Variants in DDI1 observed in about 807,000 individuals in gnomAD.
DDI1 encodes the protein DDI proteasomal shuttling factor 1, also known as protein DDI1 homolog 1.
DDI1 carries 6 observed loss-of-function variants against 7.2 expected under a neutral mutation model. That is an observed-to-expected ratio of 0.83 (90% CI 0.46 to 1.64). DDI1 has a LOEUF of 1.64. Among genes scored for constraint, DDI1 ranks in the 40% most tolerant of loss-of-function variants. The probability of loss-of-function intolerance (pLI) is 0.01; values close to 1 mark genes in which losing one functional copy is unlikely to be tolerated. For synonymous variants in DDI1, 221 were observed against 201.7 expected (o/e 1.10, Z -0.81); for missense variants, 502 against 516.6 (o/e 0.97, Z 0.27).
In DDI1 at chr11:104,038,157, T is replaced by C; in HGVS notation, c.*144T>C. On this transcript the variant is annotated 3_prime_UTR_variant, in exon 1 of 1. Transcript: ENST00000302259. ...GGGACTACGTTCTCAGATGGGTAAC[T>C]AACGTCAATCCTGATTCCTTGGTCT... The C allele has an allele frequency of 1.3e-6, 1 of 792,734 alleles. No homozygotes were observed. Among genetic ancestry groups the C allele is most frequent in the Middle Eastern group, 2.7e-4 (1 of 3,742 alleles). 49.1% of individuals were successfully genotyped at this position (792,734 alleles called of 1,614,324 possible).
Position 104,037,830 on chromosome 11 carries a change from G to T in DDI1, c.1008G>T (p.Arg336=). 1 of 1,614,152 alleles carries T rather than the reference G, an allele frequency of 6.2e-7. No homozygotes were observed. Among genetic ancestry groups the T allele is most frequent in the Non-Finnish European group, 8.5e-7 (1 of 1,180,026 alleles). The part of the protein sequence containing the change: ...MDMLLGLDML[R]RHQCSIDLKK... ...TGCTTCTAGGCCTAGATATGCTCCG[G>T]AGACATCAATGTTCCATCGATTTGA... Residue 336 remains arginine, a synonymous_variant, in exon 1 of 1, where the codon CGG becomes CGT. Transcript: ENST00000302259.
chr11:104,036,792 T>A lies in DDI1; in HGVS notation c.-31T>A, dbSNP rs777850014. 1 of 1,579,740 alleles carries A rather than the reference T, an allele frequency of 6.3e-7. No individual in the cohort carries two copies. Among genetic ancestry groups the A allele is most frequent in the Non-Finnish European group, 8.7e-7 (1 of 1,155,290 alleles). ...GCCCGCCAGTGAGCCGCCCATGCCC[T>A]CTGCTAGCCCGGCCCGCCCGGGCCC... On this transcript the variant is annotated 5_prime_UTR_variant, in exon 1 of 1. Coordinates refer to ENST00000302259, the MANE Select transcript of DDI1 (RefSeq NM_001001711.3).
At position 104,036,831 on chromosome 11, in the gene DDI1, C is replaced by T. The variant is rs940567761; in HGVS notation, c.9C>T (p.Ile3=). 6.2e-7 allele frequency: 1 copy of T among 1,613,170 alleles called. No individual in the cohort carries two copies. The part of the protein sequence containing the change: ML[I]TVYCVRRDLS... ...CCGCCCGGGCCCCCGCCATGCTGAT[C>T]ACCGTGTACTGCGTGCGGAGGGACC... Residue 3 remains isoleucine (I), a synonymous_variant, in exon 1 of 1, where the codon ATC becomes ATT. Transcript: ENST00000302259.
In DDI1 at chr11:104,037,338, C is replaced by T; in HGVS notation, c.516C>T (p.Leu172=). The T allele has an allele frequency of 3.7e-6, 6 of 1,614,096 alleles. No homozygotes were observed. The highest frequency in any genetic ancestry group is 5.1e-6 in the Non-Finnish European group (6 of 1,179,974). The change falls in exon 1 of 1, where the codon CTC becomes CTT. Residue 172 remains leucine, a synonymous_variant. Transcript: ENST00000302259. ...ERNPPLAEAL[L]SGSLETFSQV... is the part of the protein sequence containing the mutation. ...ACCCTCCCTTGGCGGAAGCCCTGCT[C>T]AGCGGAAGCCTTGAGACCTTTTCTC... is the stretch of plus-strand genomic sequence containing the variant.
rs1168163274 is a variant in DDI1 at position 104,038,746 on chromosome 11, T to C, written c.*733T>C. On this transcript the variant is annotated 3_prime_UTR_variant, in exon 1 of 1. Coordinates refer to ENST00000302259, the MANE Select transcript of DDI1 (RefSeq NM_001001711.3). ...TGGCTATAAAACAAAGGCAATAAAT[T>C]AGATTTTTTAAAAAAGAAATTATGG... 2 of 167,178 alleles carry C rather than the reference T, an allele frequency of 1.2e-5. No individual in the cohort carries two copies. The allele number at this position is 167,178 out of a possible 1,614,324, so 10.4% of individuals were successfully genotyped here.
rs535542747 is a variant in DDI1 at position 104,037,113 on chromosome 11, T to C, written c.291T>C (p.Ser97=). The C allele has an allele frequency of 1.9e-5, 31 of 1,614,128 alleles. No individual in the cohort carries two copies. In the East Asian group the frequency reaches 6.5e-4, roughly 34 times the overall value. The part of the protein sequence containing the change: ...RAPNQPRVDF[S]GIAVPGTSSS... ...CGAACCAGCCTCGTGTAGACTTCAG[T>C]GGCATTGCGGTGCCTGGGACGTCCA... The change falls in exon 1 of 1, where the codon AGT becomes AGC. Residue 97 remains serine, a synonymous_variant. Coordinates refer to ENST00000302259, the MANE Select transcript of DDI1 (RefSeq NM_001001711.3).
rs1860301390 is a variant in DDI1 at position 104,038,902 on chromosome 11, A to G, written c.*889A>G. On this transcript the variant is annotated 3_prime_UTR_variant, in exon 1 of 1. Transcript: ENST00000302259. ...TTCAAAGTAAAAATCTGCTTTATAC[A>G]TTAAGCTGCTGCTACATCAGTATTG... 6.0e-6 allele frequency: 1 copy of G among 167,066 alleles called. No homozygotes were observed. The highest frequency in any genetic ancestry group is 1.5e-5 in the Non-Finnish European group (1 of 68,112). 10.3% of individuals were successfully genotyped at this position (167,066 alleles called of 1,614,324 possible). A position where few individuals can be genotyped will look rare whatever the true frequency, so the allele number is the denominator to read the frequency against.
Position 104,036,739 on chromosome 11 carries a change from G to A in DDI1, c.-84G>A. ...CCTACCTACCAAGTCCTGAGGAGCA[G>A]CGGCACCAACGACGCAGGCCCGCCC... On this transcript the variant is annotated 5_prime_UTR_variant, in exon 1 of 1. Transcript: ENST00000302259. 9.4e-7 allele frequency: 1 copy of A among 1,059,630 alleles called. No homozygotes were observed. Among genetic ancestry groups the A allele is most frequent in the Non-Finnish European group, 1.4e-6 (1 of 709,772 alleles). 65.6% of individuals were successfully genotyped at this position (1,059,630 alleles called of 1,614,324 possible). A position where few individuals can be genotyped will look rare whatever the true frequency, so the allele number is the denominator to read the frequency against.
rs201809029 is a variant in DDI1 at position 104,037,161 on chromosome 11, A to G, written c.339A>G (p.Gly113=). ...GTSSSRPQHP[G]QQQQRTPAAQ... ...CCAGCTCCCGTCCACAGCACCCTGG[A>G]CAGCAGCAGCAGCGCACACCCGCTG... is the stretch of plus-strand genomic sequence containing the variant. The change falls in exon 1 of 1, where the codon GGA becomes GGG. Residue 113 remains glycine, a synonymous_variant. Transcript: ENST00000302259. The G allele has an allele frequency of 9.9e-6, 16 of 1,613,706 alleles. No homozygotes were observed. In the African/African-American group the frequency reaches 1.7e-4, roughly 17 times the overall value.
rs1860280704 is a variant in DDI1, at chr11:104,037,923, C to G, written c.1101C>G (p.Pro367=). ...ATTTTCTTCCTGAGGGAGAGTTGCC[C>G]TTATGCTCTAGGATGGTAAGTGGGC... is the stretch of plus-strand genomic sequence containing the variant. ...QTYFLPEGEL[P]LCSRMVSGQD... The change falls in exon 1 of 1, where the codon CCC becomes CCG. Residue 367 remains proline (P), a synonymous_variant. Coordinates refer to ENST00000302259, the MANE Select transcript of DDI1 (RefSeq NM_001001711.3). 6.2e-7 allele frequency: 1 copy of G among 1,614,010 alleles called. No individual in the cohort carries two copies. The highest frequency in any genetic ancestry group is 1.3e-5 in the African/African-American group (1 of 74,894).
In DDI1 at chr11:104,038,244, A is replaced by C; in HGVS notation, c.*231A>C. 2.0e-6 allele frequency: 1 copy of C among 497,530 alleles called. No individual in the cohort carries two copies. Among genetic ancestry groups the C allele is most frequent in the Non-Finnish European group, 3.7e-6 (1 of 273,908 alleles). 30.8% of individuals were successfully genotyped at this position (497,530 alleles called of 1,614,324 possible). A position where few individuals can be genotyped will look rare whatever the true frequency, so the allele number is the denominator to read the frequency against. Reference sequence around the variant, plus strand: ...GAAAGGCATCCTGGGAAGGCTCTGGAGGCTCCAGCTGATTTCCAGATAATC... The same window carrying C: ...GAAAGGCATCCTGGGAAGGCTCTGGCGGCTCCAGCTGATTTCCAGATAATC... On this transcript the variant is annotated 3_prime_UTR_variant, in exon 1 of 1. Coordinates refer to ENST00000302259, the MANE Select transcript of DDI1 (RefSeq NM_001001711.3).
chr11:104,037,940 T>C lies in DDI1; in HGVS notation c.1118T>C (p.Val373Ala). Residue 373 changes from valine (V) to alanine (A), a missense_variant, in exon 1 of 1, where the codon GTA (valine) becomes GCA (alanine). Transcript: ENST00000302259. ...GAGTTGCCCTTATGCTCTAGGATGG[T>C]AAGTGGGCAAGATGAGTCTTCGGAC... Reference protein sequence around the residue: ...EGELPLCSRMVSGQDESSDKE... With the variant: ...EGELPLCSRMASGQDESSDKE... 6.2e-7 allele frequency: 1 copy of C among 1,614,106 alleles called. No homozygotes were observed. Among genetic ancestry groups the C allele is most frequent in the Non-Finnish European group, 8.5e-7 (1 of 1,180,016 alleles).
Position 104,036,933 on chromosome 11 carries a change from G to C in DDI1, c.111G>C (p.Glu37Asp). 6.2e-7 allele frequency: 1 copy of C among 1,614,232 alleles called. No individual in the cohort carries two copies. Among genetic ancestry groups the C allele is most frequent in the East Asian group, 2.2e-5 (1 of 44,874 alleles). The part of the protein sequence containing the change: ...LRNFKVLCEA[E>D]SRVPVEEIQI... ...ACTTCAAGGTCCTCTGCGAAGCGGA[G>C]TCCAGAGTCCCCGTCGAAGAGATCC... Residue 37 changes from glutamate (E) to aspartate (D), a missense_variant, in exon 1 of 1, where the codon GAG becomes GAC. Glu to Asp is a conservative substitution (Grantham distance 45, BLOSUM62 2). Transcript: ENST00000302259.
At position 104,036,814 on chromosome 11, in the gene DDI1, G is replaced by T. The variant is rs938036781; in HGVS notation, c.-9G>T. 1.2e-6 allele frequency: 2 copies of T among 1,608,116 alleles called. No individual in the cohort carries two copies. Among genetic ancestry groups the T allele is most frequent in the Non-Finnish European group, 1.7e-6 (2 of 1,176,390 alleles). ...CCCTCTGCTAGCCCGGCCCGCCCGG[G>T]CCCCCGCCATGCTGATCACCGTGTA... On this transcript the variant is annotated 5_prime_UTR_variant, in exon 1 of 1. Transcript: ENST00000302259.
chr11:104,036,929 C>T lies in DDI1; in HGVS notation c.107C>T (p.Ala36Val), dbSNP rs748677380. Reference sequence around the variant, plus strand: ...CGAAACTTCAAGGTCCTCTGCGAAGCGGAGTCCAGAGTCCCCGTCGAAGAG... The same window carrying T: ...CGAAACTTCAAGGTCCTCTGCGAAGTGGAGTCCAGAGTCCCCGTCGAAGAG... ...ELRNFKVLCE[A>V]ESRVPVEEIQ... The change falls in exon 1 of 1, where the codon GCG (alanine) becomes GTG (valine). Residue 36 changes from alanine to valine, a missense_variant. Transcript: ENST00000302259. The T allele has an allele frequency of 1.1e-5, 18 of 1,614,206 alleles. No homozygotes were observed. The highest frequency in any genetic ancestry group is 8.0e-5 in the African/African-American group (6 of 75,058).
Position 104,038,358 on chromosome 11 carries a change from T to G in DDI1, c.*345T>G. The G allele has an allele frequency of 4.5e-6, 1 of 221,014 alleles. No homozygotes were observed. The highest frequency in any genetic ancestry group is 9.9e-6 in the Non-Finnish European group (1 of 100,888). The allele number at this position is 221,014 out of a possible 1,614,324, so 13.7% of individuals were successfully genotyped here. On this transcript the variant is annotated 3_prime_UTR_variant, in exon 1 of 1. Coordinates refer to ENST00000302259, the MANE Select transcript of DDI1 (RefSeq NM_001001711.3). ...TCCAAATCATTGCTATTTTGCAGAA[T>G]TCCCTGGAAAAATGCTATGGCTGCA...
At position 104,038,884 on chromosome 11, in the gene DDI1, T is replaced by G. The variant is rs945107724; in HGVS notation, c.*871T>G. ...GATCATCTCTCTCTCTTTTTCAAAG[T>G]AAAAATCTGCTTTATACATTAAGCT... On this transcript the variant is annotated 3_prime_UTR_variant, in exon 1 of 1. Transcript: ENST00000302259. 1 of 167,080 alleles carries G rather than the reference T, an allele frequency of 6.0e-6. No homozygotes were observed. The highest frequency in any genetic ancestry group is 1.9e-4 in the East Asian group (1 of 5,206). The allele number at this position is 167,080 out of a possible 1,614,324, so 10.3% of individuals were successfully genotyped here. A position where few individuals can be genotyped will look rare whatever the true frequency, so the allele number is the denominator to read the frequency against.
In DDI1 at chr11:104,037,219, A is replaced by C. The variant is rs1860261211; in HGVS notation, c.397A>C (p.Lys133Gln). The change falls in exon 1 of 1, where the codon AAG becomes CAG. Residue 133 changes from lysine to glutamine, a missense_variant. By Grantham distance (53) the Lys-to-Gln change is moderately conservative. Transcript: ENST00000302259. The stretch of plus-strand genomic sequence containing the variant: ...GTCACAGGGCTTGGCGTCAGGAGAG[A>C]AGGTGGCCGGCCTGCAAGGTCTGGG... ...QRSQGLASGEKVAGLQGLGSP... is the reference protein window; with the variant it reads ...QRSQGLASGEQVAGLQGLGSP... 1 of 1,613,544 alleles carries C rather than the reference A, an allele frequency of 6.2e-7. No individual in the cohort carries two copies. Among genetic ancestry groups the C allele is most frequent in the Non-Finnish European group, 8.5e-7 (1 of 1,179,986 alleles).
Position 104,037,201 on chromosome 11 carries a change from G to A in DDI1, c.379G>A (p.Gly127Ser), listed in dbSNP as rs1450360014. Residue 127 changes from glycine (G) to serine (S), a missense_variant, in exon 1 of 1, where the codon GGC becomes AGC. Physicochemically the swap from Gly to Ser is moderately conservative, Grantham distance 56. Transcript: ENST00000302259. ...QRTPAAQRSQ[G>S]LASGEKVAGL... ...CACACCCGCTGCCCAGCGGTCACAG[G>A]GCTTGGCGTCAGGAGAGAAGGTGGC... 1.2e-6 allele frequency: 2 copies of A among 1,613,584 alleles called. No homozygotes were observed. Among genetic ancestry groups the A allele is most frequent in the Non-Finnish European group, 8.5e-7 (1 of 1,180,020 alleles).
Sources: gnomAD v4.1 joint callset for allele counts on GRCh38, gnomAD v4.1.1 for gene constraint, MANE v1.5 for transcripts, NCBI Gene and HGNC (gene_info 2026-07-23, HGNC 2026-07-21) for gene names.